Variants in FNBP1 observed in about 807,000 individuals in gnomAD.
FNBP1 encodes formin binding protein 1.
FNBP1 carries 26 observed loss-of-function variants against 90.6 expected under a neutral mutation model. That is an observed-to-expected ratio of 0.29 (90% CI 0.21 to 0.40). FNBP1 has a LOEUF of 0.40. Ranked by LOEUF, FNBP1 falls within the 10% of genes least tolerant of loss-of-function variation. The pLI is 1.00. For synonymous variants in FNBP1, 260 were observed against 265.2 expected, an observed-to-expected ratio of 0.98 and a Z score of 0.19; for missense variants, 635 against 768.0, an observed-to-expected ratio of 0.83 and a Z score of 2.05.
chr9:129,953,722 T>C (rs2046508794), intron 6 of FNBP1, among the ~76,000 whole-genome samples: 1 of 149,298 alleles, frequency 6.7e-6, no homozygotes, highest in South Asian at 2.1e-4. Flanking sequence ...TTAATGTTTA[T>C]AATGGAGAAG....
chr9:129,924,857 C>T (rs2041640862), intron 9 of FNBP1, 103 bp downstream of exon 9: 8 of 1,002,892 alleles, frequency 8.0e-6, no homozygotes, highest in Non-Finnish European at 1.2e-5. Flanking sequence ...TCTTCTTTTG[C>T]ATTCTGAAAC....
intron 2 of FNBP1, among the ~76,000 whole-genome samples, chr9:129,982,858 C>G (rs2051497278): frequency 6.6e-6 from 1 of 152,046 alleles, no homozygotes. Flanking sequence ...GAGACAGAGT[C>G]TTGCCATGTT....
intron 2 of FNBP1, among the ~76,000 whole-genome samples, chr9:129,993,859 A>C (rs1324439021): frequency 6.6e-6 from 1 of 152,006 alleles, no homozygotes; most frequent in Non-Finnish European, 1.5e-5. Flanking sequence ...TCCTGACCTC[A>C]GGCAATCCGC....
intron 12 of FNBP1, among the ~76,000 whole-genome samples, chr9:129,905,661 T>C (rs964528668): frequency 6.8e-6 from 1 of 146,832 alleles, no homozygotes; most frequent in African/African-American, 2.4e-5. Flanking sequence ...CTTCTTGAGA[T>C]AGATCGTAAG....
chr9:130,050,775 G>A, the FNBP1 span, among the ~76,000 whole-genome samples: 4 of 151,092 alleles, frequency 2.6e-5, no homozygotes, highest in African/African-American at 9.7e-5. Context: ...TGAGTAGCTG[G>A]GACTACAGGT....
chr9:129,979,451 G>T, intron 2 of FNBP1, 77 bp from the exon 3 acceptor site: 1 of 1,037,216 alleles, frequency 9.6e-7, no homozygotes. Flanking sequence ...TAACATTAGT[G>T]CTTTTGTTAC....
chr9:129,926,461 C>T (rs1318777197), intron 8 of FNBP1, among the ~76,000 whole-genome samples: 1 of 152,118 alleles, frequency 6.6e-6, no homozygotes, highest in East Asian at 1.9e-4. Context: ...TGTGTGGAGA[C>T]ATTTTTGATT....
chr9:129,927,204 A>T lies in FNBP1; in HGVS notation c.780T>A (p.Asp260Glu). 1 of 1,613,680 alleles carries T rather than the reference A, an allele frequency of 6.2e-7. No individual in the cohort carries two copies. The highest frequency in any genetic ancestry group is 8.5e-7 in the Non-Finnish European group (1 of 1,179,770). The change falls in exon 8 of 17, where the codon GAT (aspartate) becomes GAA (glutamate). Residue 260 changes from aspartate (D) to glutamate (E), a missense_variant. Transcript: ENST00000446176. Reference sequence around the variant, plus strand: ...AAATGGCAATACTTACATTTTTCTGATCAATTGATTCGGCTGCTTTTACTA... The same window carrying T: ...AAATGGCAATACTTACATTTTTCTGTTCAATTGATTCGGCTGCTTTTACTA... ...DGIVKAAESI[D>E]QKNDSQLVIE...
In FNBP1 at chr9:129,901,186, A is replaced by G. The variant is rs956289953; in HGVS notation, c.1429-639T>C. Among the ~76,000 whole-genome samples the G allele has an allele frequency of 2.3e-4, 35 of 152,192 alleles. No homozygotes were observed. The Middle Eastern group carries it at 0.01, about 44-fold the overall frequency. On this transcript the variant is annotated intron_variant, in intron 13 of 16. Transcript: ENST00000446176. ...TTTGGGAGGCCGAGGTGGGTGAATCACTTCAGGTTGGGAGTTTCAGACCAG... is the reference window on the plus strand; with the variant it reads ...TTTGGGAGGCCGAGGTGGGTGAATCGCTTCAGGTTGGGAGTTTCAGACCAG...
chr9:129,900,154 A>G lies in FNBP1; in HGVS notation c.1551-53T>C. On this transcript the variant is annotated intron_variant, in intron 14 of 16. Transcript: ENST00000446176. The surrounding 1 kb of genome is among the most constrained non-coding windows in gnomAD (Gnocchi z 4.1). Reference sequence around the variant, plus strand: ...ACTAAAGCGACTGACCCCAGGGAGGACTCAGATTGAGTCCCTGCGACTGGA... The same window carrying G: ...ACTAAAGCGACTGACCCCAGGGAGGGCTCAGATTGAGTCCCTGCGACTGGA... 1 of 1,518,306 alleles carries G rather than the reference A, an allele frequency of 6.6e-7. No individual in the cohort carries two copies. The highest frequency in any genetic ancestry group is 8.8e-7 in the Non-Finnish European group (1 of 1,131,872). The allele number at this position is 1,518,306 out of a possible 1,614,324, so 94.1% of individuals were successfully genotyped here.
intron 1 of FNBP1, among the ~76,000 whole-genome samples, chr9:130,030,668 A>C (rs2058724466): frequency 6.6e-6 from 1 of 152,202 alleles, no homozygotes; most frequent in African/African-American, 2.4e-5. Flanking sequence ...TGCTATAAAG[A>C]ATTTAGCTTT....
chr9:129,924,844 G>C, intron 9 of FNBP1, 116 bp downstream of exon 9: 1 of 885,270 alleles, frequency 1.1e-6, no homozygotes, highest in Admixed American at 2.8e-5. Context: ...TAGCACACTA[G>C]CTTCTTCTTT....
intron 10 of FNBP1, among the ~76,000 whole-genome samples, chr9:129,923,541 T>C (rs1427767148): frequency 1.3e-5 from 2 of 148,830 alleles, no homozygotes; most frequent in African/African-American, 5.0e-5. Flanking sequence ...ATCACGCCAC[T>C]GCACTCCAGC....
In FNBP1 at chr9:129,992,843, C is replaced by T. The variant is rs113754134; in HGVS notation, c.140+2000G>A. Reference sequence around the variant, plus strand: ...CTGGGATTACAGGTATGAGCCACTGCGCCCAGCCAAGAACACATATCTTTT... The same window carrying T: ...CTGGGATTACAGGTATGAGCCACTGTGCCCAGCCAAGAACACATATCTTTT... On this transcript the variant is annotated intron_variant, in intron 2 of 16. Transcript: ENST00000446176. Among the ~76,000 whole-genome samples, 908 of 149,182 alleles carry T rather than the reference C, an allele frequency of 6.1e-3. 7 individuals carry two copies. Among genetic ancestry groups the T allele is most frequent in the Middle Eastern group, 0.017 (5 of 288 alleles).
Position 129,905,292 on chromosome 9 carries a change from G to GTATATATATATA in FNBP1, c.1296-2292_1296-2291insTATATATATATA, listed in dbSNP as rs71497501. Among the ~76,000 whole-genome samples the GTATATATATATA allele has an allele frequency of 1.5e-3, 82 of 56,288 alleles. No individual in the cohort carries two copies. The South Asian group carries it at 0.028, about 19-fold the overall frequency. The allele number at this position is 56,288 out of a possible 152,430, so 36.9% of individuals were successfully genotyped here. A position where few individuals can be genotyped will look rare whatever the true frequency, so the allele number is the denominator to read the frequency against. ...TGTTGAATTGTGTGTGTGTGTGTGT[G>GTATATATATATA]TGTATATATATATATATATATTTTG... On this transcript the variant is annotated intron_variant, in intron 12 of 16. Coordinates refer to ENST00000446176, the MANE Select transcript of FNBP1 (RefSeq NM_015033.3).
At chr9:129,976,892 TCGGTGGCTCA>T (rs559162374) in intron 4 of FNBP1, among the ~76,000 whole-genome samples, 74 of 152,132 alleles carry the variant, frequency 4.9e-4, no homozygotes, top group Middle Eastern at 3.4e-3. Flanking sequence ...GTGGCTGGGC[TCGGTGGCTCA>T]CGCCTGTAAT....
intron 9 of FNBP1, among the ~76,000 whole-genome samples, chr9:129,924,624 G>T (rs556493574): frequency 6.6e-6 from 1 of 152,296 alleles, no homozygotes; most frequent in Admixed American, 6.5e-5. Flanking sequence ...CGGATAAAGT[G>T]TTACAGGAAT....
chr9:129,947,654 C>A (rs1446608119), intron 6 of FNBP1, among the ~76,000 whole-genome samples: 1 of 150,320 alleles, frequency 6.7e-6, no homozygotes, highest in African/African-American at 2.4e-5. Flanking sequence ...TGGAGTTTTG[C>A]TCTTGCTGCC....
chr9:129,963,279 T>A (rs928404401), intron 4 of FNBP1, among the ~76,000 whole-genome samples: 1 of 152,222 alleles, frequency 6.6e-6, no homozygotes, highest in East Asian at 1.9e-4. Flanking sequence ...AGGCATTGCC[T>A]GGGACATGTC....
Sources: gnomAD v4.1 joint callset for allele counts (sites outside exome capture counted in the v4.1 genomes callset) on GRCh38, gnomAD v4.1.1 for gene constraint, Gnocchi (gnomAD v3.1) non-coding constraint, MANE v1.5 for transcripts, NCBI Gene and HGNC (gene_info 2026-07-23, HGNC 2026-07-21) for gene names.